The following GPR39 variants were observed in gnomAD, a reference collection of about 807,000 sequenced individuals.
The protein encoded by GPR39 is G protein-coupled receptor 39.
GPR39 carries 23 observed loss-of-function variants against 18.4 expected under a neutral mutation model. The observed-to-expected ratio is 1.25, with a 90% CI of 0.90 to 1.77. The LOEUF is 1.77. Ranked by LOEUF, GPR39 falls within the 40% of genes most tolerant of loss-of-function variation. The pLI is 0.00. For missense variants in GPR39, 647 were observed against 602.4 expected, an observed-to-expected ratio of 1.07 and a Z score of -0.78; for synonymous variants, 280 against 257.9, an observed-to-expected ratio of 1.09 and a Z score of -0.82.
intron 1 of GPR39, among the ~76,000 whole-genome samples, chr2:132,451,922 A>G (rs1188536524): frequency 6.6e-6 from 1 of 152,154 alleles, no homozygotes; most frequent in Non-Finnish European, 1.5e-5. Flanking sequence ...GTTGTTTTCC[A>G]TTCAACTCTT....
chr2:132,563,267 C>T (rs1680286908), intron 1 of GPR39, among the ~76,000 whole-genome samples: 1 of 152,196 alleles, frequency 6.6e-6, no homozygotes, highest in South Asian at 2.1e-4. Flanking sequence ...TATCAAAGGC[C>T]TATCAGCCAC....
chr2:132,561,706 TC>T (rs1404908794), intron 1 of GPR39, among the ~76,000 whole-genome samples: 1 of 152,024 alleles, frequency 6.6e-6, no homozygotes, highest in Non-Finnish European at 1.5e-5. Context: ...AGGGTATAGT[TC>T]CGGTCCAAGT....
At chr2:132,549,465 C>T (rs978917557) in intron 1 of GPR39, among the ~76,000 whole-genome samples, 21 of 152,186 alleles carry the variant, frequency 1.4e-4, no homozygotes, top group Admixed American at 1.3e-3. Flanking sequence ...TTCACCCTCT[C>T]ACTTTGACTG....
intron 1 of GPR39, among the ~76,000 whole-genome samples, chr2:132,456,616 C>T (rs1216927773): frequency 6.6e-6 from 1 of 152,168 alleles, no homozygotes; most frequent in East Asian, 1.9e-4. Flanking sequence ...GTGGCTGGTA[C>T]CAGTTGTTTC....
At chr2:132,587,587 G>A (rs984397224) in intron 1 of GPR39, among the ~76,000 whole-genome samples, 2 of 151,916 alleles carry the variant, frequency 1.3e-5, no homozygotes, top group Admixed American at 6.6e-5. Flanking sequence ...GCTGGAATGC[G>A]GTAGTGCGAT....
intron 1 of GPR39, among the ~76,000 whole-genome samples, chr2:132,492,597 C>A (rs1681502803): frequency 8.3e-6 from 1 of 120,854 alleles, no homozygotes; most frequent in African/African-American, 3.1e-5. Flanking sequence ...CATATATATA[C>A]CATATATACA....
Position 132,645,665 on chromosome 2 carries a change from TCTCA to T in GPR39, c.*63_*66del. 2 of 1,555,748 alleles carry T rather than the reference TCTCA, an allele frequency of 1.3e-6. No individual in the cohort carries two copies. The highest frequency in any genetic ancestry group is 1.2e-5 in the South Asian group (1 of 80,508). ...CCCTCCAGCCCTAAGAAAACGTCAC[TCTCA>T]CTCTGCAGTCTCAAACTATGCCCCC... On this transcript the variant is annotated 3_prime_UTR_variant, in exon 2 of 2. Transcript: ENST00000329321.
intron 1 of GPR39, among the ~76,000 whole-genome samples, chr2:132,535,111 T>C (rs895327904): frequency 3.3e-5 from 5 of 152,178 alleles, no homozygotes; most frequent in African/African-American, 7.2e-5. Flanking sequence ...TCCAGTACTA[T>C]GTTGAGTAGG....
At chr2:132,561,728 G>T in intron 1 of GPR39, among the ~76,000 whole-genome samples, 1 of 152,156 alleles carries the variant, frequency 6.6e-6, no homozygotes, top group East Asian at 1.9e-4. Flanking sequence ...CCAAAGGCCT[G>T]AGAACCACGA....
At chr2:132,616,246 C>A (rs1196333976) in intron 1 of GPR39, among the ~76,000 whole-genome samples, 2 of 152,186 alleles carry the variant, frequency 1.3e-5, no homozygotes, top group East Asian at 3.9e-4. Context: ...GATGAGCAAA[C>A]CTGGGGTTAG....
Position 132,646,537 on chromosome 2 carries a change from T to TAA in GPR39, c.*933_*934dup, listed in dbSNP as rs2104890985. ...GCCAATACCTGTGAATACCTGTTAA[T>TAA]AAAGAGCTGTTAAATAGACTTATTT... is the stretch of plus-strand genomic sequence containing the variant. On this transcript the variant is annotated 3_prime_UTR_variant, in exon 2 of 2. Transcript: ENST00000329321. 1 of 370,116 alleles carries TAA rather than the reference T, an allele frequency of 2.7e-6. No homozygotes were observed. Among genetic ancestry groups the TAA allele is most frequent in the East Asian group, 3.9e-5 (1 of 25,318 alleles). The allele number at this position is 370,116 out of a possible 1,614,324, so 22.9% of individuals were successfully genotyped here.
intron 1 of GPR39, among the ~76,000 whole-genome samples, chr2:132,491,366 T>G (rs1558813838): frequency 6.6e-6 from 1 of 152,130 alleles, no homozygotes; most frequent in East Asian, 1.9e-4. Context: ...CTTTTTAAAA[T>G]TTTAATCTTG....
chr2:132,417,786 G>C lies in GPR39; in HGVS notation c.744G>C (p.Val248=). Residue 248 remains valine, a synonymous_variant, in exon 1 of 2, where the codon GTG becomes GTC. Coordinates refer to ENST00000329321, the MANE Select transcript of GPR39 (RefSeq NM_001508.3). ...VAFMCWNMMQ[V]LMKSQKGSLA... ...TCATGTGCTGGAACATGATGCAGGT[G>C]CTCATGAAAAGCCAGAAGGGCTCGC... 6.2e-7 allele frequency: 1 copy of C among 1,614,160 alleles called. No homozygotes were observed. Among genetic ancestry groups the C allele is most frequent in the African/African-American group, 1.3e-5 (1 of 75,068 alleles).
chr2:132,618,418 T>G (rs1250813956), intron 1 of GPR39, among the ~76,000 whole-genome samples: 1 of 152,254 alleles, frequency 6.6e-6, no homozygotes, highest in East Asian at 1.9e-4. Context: ...AACATTAAAC[T>G]GCATTTAGCC....
intron 1 of GPR39, among the ~76,000 whole-genome samples, chr2:132,626,672 G>T (rs1681549764): frequency 6.6e-6 from 1 of 152,134 alleles, no homozygotes; most frequent in Non-Finnish European, 1.5e-5. Context: ...AGTTCAAATG[G>T]GCAAAAGGAA....
intron 1 of GPR39, among the ~76,000 whole-genome samples, chr2:132,552,875 CA>C (rs1558836926): frequency 8.1e-4 from 82 of 100,802 alleles, no homozygotes; most frequent in African/African-American, 3.7e-3. Context: ...TATATATACA[CA>C]TATATATATA....
In GPR39 at chr2:132,494,844, A is replaced by G. The variant is rs553326356; in HGVS notation, c.856+76946A>G. The stretch of plus-strand genomic sequence containing the variant: ...GAGTGCAGTTTCCCAGGTTTCTTCA[A>G]ATATTTTTTGGAAAAAACTGAGGTT... On this transcript the variant is annotated intron_variant, in intron 1 of 1. Transcript: ENST00000329321. Among the ~76,000 whole-genome samples the G allele has an allele frequency of 2.4e-4, 37 of 152,298 alleles. No individual in the cohort carries two copies. In the South Asian group the frequency reaches 7.5e-3, roughly 31 times the overall value.
chr2:132,563,138 G>A (rs1680285238), intron 1 of GPR39, among the ~76,000 whole-genome samples: 1 of 152,196 alleles, frequency 6.6e-6, no homozygotes, highest in African/African-American at 2.4e-5. Flanking sequence ...TTCAAAAGGG[G>A]AGTGTAGTTC....
At chr2:132,621,821 C>T (rs563996949) in intron 1 of GPR39, among the ~76,000 whole-genome samples, 1 of 152,276 alleles carries the variant, frequency 6.6e-6, no homozygotes. Context: ...CAAGCTGGGC[C>T]TTGGGCAATG....
Sources: allele counts gnomAD v4.1 joint callset (sites outside exome capture counted in the v4.1 genomes callset), GRCh38; gene constraint gnomAD v4.1.1; transcripts MANE v1.5; gene names NCBI Gene and HGNC (gene_info 2026-07-23, HGNC 2026-07-21).